Variants in ATAD1 observed in about 807,000 individuals in gnomAD.
The protein encoded by ATAD1 is ATPase family AAA domain containing 1, also known as outer mitochondrial transmembrane helix translocase.
In ATAD1, 18 loss-of-function variants were observed where a neutral mutation model predicts 42.7. The ratio of observed to expected loss-of-function variants is 0.42; its 90% confidence interval spans 0.29 to 0.63. ATAD1 has a LOEUF of 0.63. ATAD1 is among the 20% of genes least tolerant of loss of function. ATAD1 has a pLI of 0.19. For synonymous variants in ATAD1, 132 were observed against 143.1 expected, an observed-to-expected ratio of 0.92 and a Z score of 0.55; for missense variants, 294 against 440.4, an observed-to-expected ratio of 0.67 and a Z score of 2.98.
At chr10:87,774,876 C>T (rs765032573) in intron 6 of ATAD1, among the ~76,000 whole-genome samples, 2 of 151,936 alleles carry the variant, frequency 1.3e-5, no homozygotes, top group Non-Finnish European at 2.9e-5. Flanking sequence ...TCGCTTGAGC[C>T]CAGGAGGTTG....
rs1857107719 is a variant in ATAD1, at chr10:87,809,965, G to T, written c.162+4473C>A. On this transcript the variant is annotated intron_variant, in intron 2 of 9. Coordinates refer to ENST00000680024, the MANE Select transcript of ATAD1 (RefSeq NM_001321967.2). ...CCGGCCCTTGTTTTTAATATCTACA[G>T]CAATATTAGGCCTTTTTTGTTCCAG... is the stretch of plus-strand genomic sequence containing the variant. Among the ~76,000 whole-genome samples, 3 of 151,864 alleles carry T rather than the reference G, an allele frequency of 2.0e-5. No homozygotes were observed. In the South Asian group the frequency reaches 6.2e-4, roughly 32 times the overall value.
chr10:87,818,898 C>G (rs1018075234), upstream of ATAD1: 10 of 152,326 alleles, frequency 6.6e-5, no homozygotes, highest in Non-Finnish European at 1.3e-4. Context: ...CTTTTCCTTT[C>G]CAGAACGAGC....
intron 1 of ATAD1, among the ~76,000 whole-genome samples, chr10:87,817,022 A>G (rs1374668449): frequency 6.6e-6 from 1 of 152,196 alleles, no homozygotes; most frequent in Admixed American, 6.5e-5. Context: ...TCAACACACA[A>G]AACCCGTTTA....
chr10:87,835,767 T>C (rs1857918388), intron 1 of ATAD1, among the ~76,000 whole-genome samples: 2 of 152,190 alleles, frequency 1.3e-5, no homozygotes, highest in African/African-American at 4.8e-5. Flanking sequence ...GGGGCATTTG[T>C]ATATTTTTTA....
intron 5 of ATAD1, among the ~76,000 whole-genome samples, chr10:87,777,065 ACAAT>A (rs1477185432): frequency 6.6e-5 from 10 of 152,246 alleles, no homozygotes; most frequent in Non-Finnish European, 1.5e-4. Context: ...AAATTAAAAC[ACAAT>A]CATTCATAAT....
rs199905028 is a variant in ATAD1, at chr10:87,784,460, C to T, written c.583+10G>A. ...CCTTTAAAAATACTCATATAGAAAACATAGCATACCTATTTCATCTATAAA... is the reference window on the plus strand; with the variant it reads ...CCTTTAAAAATACTCATATAGAAAATATAGCATACCTATTTCATCTATAAA... On this transcript the variant is annotated intron_variant, in intron 5 of 9. Transcript: ENST00000680024. 1.9e-6 allele frequency: 3 copies of T among 1,611,050 alleles called. No individual in the cohort carries two copies. Among genetic ancestry groups the T allele is most frequent in the Admixed American group, 1.7e-5 (1 of 59,954 alleles).
chr10:87,803,224 T>C (rs1051186117), intron 2 of ATAD1, among the ~76,000 whole-genome samples: 1 of 152,072 alleles, frequency 6.6e-6, no homozygotes, highest in South Asian at 2.1e-4. Flanking sequence ...TCCTAATAAC[T>C]CAGGACCTAT....
chr10:87,797,304 C>T (rs1342836376), intron 2 of ATAD1, among the ~76,000 whole-genome samples: 3 of 150,264 alleles, frequency 2.0e-5, no homozygotes, highest in Non-Finnish European at 3.0e-5. Context: ...TAAAATTCCT[C>T]GCAGCTGCAA....
chr10:87,776,773 T>C (rs1456273445), intron 5 of ATAD1, among the ~76,000 whole-genome samples: 1 of 152,052 alleles, frequency 6.6e-6, no homozygotes, highest in Non-Finnish European at 1.5e-5. Flanking sequence ...CCTAGCCTTA[T>C]TTTATTTACT....
At chr10:87,838,654 G>C (rs1857972365) in intron 1 of ATAD1, among the ~76,000 whole-genome samples, 1 of 151,946 alleles carries the variant, frequency 6.6e-6, no homozygotes, top group East Asian at 1.9e-4. Flanking sequence ...GAGGTAATTA[G>C]GATTAGATGA....
At position 87,815,392 on chromosome 10, in the gene ATAD1, C is replaced by T. The variant is rs190521877; in HGVS notation, c.-13-780G>A. 2.8e-4 allele frequency among the ~76,000 whole-genome samples: 42 copies of T among 152,086 alleles called. 1 individual carries two copies. In the East Asian group the frequency reaches 7.5e-3, roughly 27 times the overall value. ...TCCTCTGTCAATGGCAATAACTACC[C>T]GGAAGAATAAGCTTGTTAGGGATGA... is the stretch of plus-strand genomic sequence containing the variant. On this transcript the variant is annotated intron_variant, in intron 1 of 9. Transcript: ENST00000680024.
chr10:87,752,453 G>A lies in ATAD1; in HGVS notation c.*2234C>T, dbSNP rs1269306834. On this transcript the variant is annotated 3_prime_UTR_variant, in exon 10 of 10. Coordinates refer to ENST00000680024, the MANE Select transcript of ATAD1 (RefSeq NM_001321967.2). ...GTAATTCTGTGCCAGGCACTATGCT[G>A]AGGGCCTTACATGCATTATTTTATT... is the stretch of plus-strand genomic sequence containing the variant. The A allele has an allele frequency of 6.6e-6, 1 of 152,156 alleles. No individual in the cohort carries two copies. 9.4% of individuals were successfully genotyped at this position (152,156 alleles called of 1,614,324 possible). A position where few individuals can be genotyped will look rare whatever the true frequency, so the allele number is the denominator to read the frequency against.
intron 5 of ATAD1, among the ~76,000 whole-genome samples, chr10:87,782,347 A>T (rs1419793944): frequency 1.3e-5 from 2 of 152,254 alleles, no homozygotes; most frequent in Admixed American, 1.3e-4. Context: ...ACTTTGAAAG[A>T]CTTCAGTAAA....
At chr10:87,788,006 T>C (rs1347916133) in intron 4 of ATAD1, among the ~76,000 whole-genome samples, 4 of 152,194 alleles carry the variant, frequency 2.6e-5, no homozygotes, top group Non-Finnish European at 4.4e-5. Flanking sequence ...ATGGATTTTG[T>C]TGGAATTTTA....
At chr10:87,762,631 A>AT (rs553031492) in intron 8 of ATAD1, among the ~76,000 whole-genome samples, 12 of 151,134 alleles carry the variant, frequency 7.9e-5, no homozygotes, top group African/African-American at 1.2e-4. Flanking sequence ...TGTCCAGCTA[A>AT]TTTTTTTTGT....
chr10:87,798,075 A>C (rs1193476483), intron 2 of ATAD1, among the ~76,000 whole-genome samples: 1 of 151,682 alleles, frequency 6.6e-6, no homozygotes. Flanking sequence ...ATTTTTAAAA[A>C]GGCTTGTCCA....
chr10:87,778,834 C>A (rs751889148), intron 5 of ATAD1, among the ~76,000 whole-genome samples: 2 of 152,084 alleles, frequency 1.3e-5, no homozygotes, highest in Middle Eastern at 3.4e-3. Flanking sequence ...GGCAAAAAAA[C>A]GGACCAACAC....
At chr10:87,757,001 GAAAGTTAAGCATATTAT>G in intron 8 of ATAD1, 79 bp from the exon 9 acceptor site, 1 of 1,243,834 alleles carries the variant, frequency 8.0e-7, no homozygotes, top group Non-Finnish European at 1.1e-6. Flanking sequence ...CCATCTTAAA[GAAAGTTAAGCATATTAT>G]AACTGCATGG....
intron 5 of ATAD1, among the ~76,000 whole-genome samples, 155 bp downstream of exon 5, chr10:87,784,315 T>C (rs779281475): frequency 5.9e-5 from 9 of 152,200 alleles, no homozygotes; most frequent in Non-Finnish European, 8.8e-5. Context: ...CTATGGTTCA[T>C]TCTACAACAC....
Sources: gnomAD v4.1 joint callset for allele counts (sites outside exome capture counted in the v4.1 genomes callset) on GRCh38, gnomAD v4.1.1 for gene constraint, MANE v1.5 for transcripts, NCBI Gene and HGNC (gene_info 2026-07-23, HGNC 2026-07-21) for gene names.